Variants in SPOCK1 observed in about 807,000 individuals in gnomAD.
SPOCK1 encodes the protein testican-1.
In SPOCK1, 23 loss-of-function variants were observed where a neutral mutation model predicts 55.3. The ratio of observed to expected loss-of-function variants is 0.42; its 90% CI spans 0.30 to 0.59. The LOEUF (loss-of-function observed/expected upper bound fraction) is 0.59, where lower values mean the gene tolerates loss of function less well. Among genes scored for constraint, SPOCK1 ranks in the 20% least tolerant of loss-of-function variants. The pLI, the probability that SPOCK1 is intolerant of heterozygous loss-of-function variation, is 0.22. For synonymous variants in SPOCK1, 226 were observed against 221.0 expected (o/e 1.02, Z -0.20); for missense variants, 499 against 552.5 (o/e 0.90, Z 0.97).
intron 6 of SPOCK1, among the ~76,000 whole-genome samples, chr5:137,061,009 G>C (rs1312883492): frequency 6.6e-6 from 1 of 152,070 alleles, no homozygotes; most frequent in Admixed American, 6.5e-5. Context: ...AGAATAACAA[G>C]GCCCTAAAAA....
intron 7 of SPOCK1, 188 bp from the exon 8 acceptor site, chr5:136,988,831 T>C: frequency 1.9e-6 from 1 of 520,088 alleles, no homozygotes; most frequent in Non-Finnish European, 3.3e-6. Flanking sequence ...TGTTTTTAAG[T>C]GAAATGGTTT....
At chr5:137,471,709 G>C (rs1285135736) in intron 2 of SPOCK1, among the ~76,000 whole-genome samples, 4 of 152,164 alleles carry the variant, frequency 2.6e-5, no homozygotes, top group Admixed American at 6.5e-5. Flanking sequence ...CCAGCAGTCA[G>C]CAGATCAGAC....
intron 3 of SPOCK1, among the ~76,000 whole-genome samples, chr5:137,156,406 T>C (rs1474046883): frequency 2.6e-5 from 4 of 152,126 alleles, no homozygotes; most frequent in Non-Finnish European, 5.9e-5. Context: ...AAATTCCTCA[T>C]GAGAACACAT....
chr5:137,416,444 G>A (rs1362597911), intron 2 of SPOCK1, among the ~76,000 whole-genome samples: 1 of 152,108 alleles, frequency 6.6e-6, no homozygotes, highest in Non-Finnish European at 1.5e-5. Context: ...TTTTCCTACA[G>A]TAATTGTCTT....
chr5:137,056,273 G>T (rs1162487890), intron 6 of SPOCK1, among the ~76,000 whole-genome samples: 2 of 152,114 alleles, frequency 1.3e-5, no homozygotes, highest in African/African-American at 4.8e-5. Context: ...GGGGGTGGGG[G>T]ACAGGGGGTC....
intron 2 of SPOCK1, among the ~76,000 whole-genome samples, chr5:137,412,642 G>C (rs976776058): frequency 1.3e-5 from 2 of 152,210 alleles, no homozygotes; most frequent in African/African-American, 4.8e-5. Context: ...CAGACAGAAA[G>C]AGAACAGTAT....
intron 2 of SPOCK1, among the ~76,000 whole-genome samples, chr5:137,287,197 G>T (rs1290006309): frequency 6.6e-6 from 1 of 152,172 alleles, no homozygotes; most frequent in African/African-American, 2.4e-5. Context: ...GGCTGCCATG[G>T]TGCAAACTGT....
chr5:137,450,030 AGT>A (rs1753222999), intron 2 of SPOCK1, among the ~76,000 whole-genome samples: 1 of 152,108 alleles, frequency 6.6e-6, no homozygotes. Flanking sequence ...TCTATAGAAG[AGT>A]GTGTCCAAAC....
At chr5:137,373,483 C>T (rs1751245773) in intron 2 of SPOCK1, among the ~76,000 whole-genome samples, 1 of 152,192 alleles carries the variant, frequency 6.6e-6, no homozygotes. Flanking sequence ...TAGAAGGATC[C>T]AGGACAGGAA....
intron 2 of SPOCK1, among the ~76,000 whole-genome samples, chr5:137,475,409 T>A (rs1015321653): frequency 6.6e-6 from 1 of 152,144 alleles, no homozygotes; most frequent in African/African-American, 2.4e-5. Flanking sequence ...ACATACAATG[T>A]TTTTGGAAAG....
At chr5:137,108,306 G>T (rs1753404785) in intron 5 of SPOCK1, among the ~76,000 whole-genome samples, 1 of 152,202 alleles carries the variant, frequency 6.6e-6, no homozygotes, top group African/African-American at 2.4e-5. Flanking sequence ...GTCTAGAATT[G>T]TCCTCTGCTT....
At chr5:137,148,521 C>A (rs1754248899) in intron 3 of SPOCK1, among the ~76,000 whole-genome samples, 1 of 152,066 alleles carries the variant, frequency 6.6e-6, no homozygotes, top group African/African-American at 2.4e-5. Context: ...GCATTTCCAT[C>A]AAGAAATTGA....
chr5:137,440,261 G>A, intron 2 of SPOCK1, among the ~76,000 whole-genome samples: 1 of 147,394 alleles, frequency 6.8e-6, no homozygotes, highest in Non-Finnish European at 1.5e-5. Context: ...AAAGTTAATA[G>A]AGAGTTGAAA....
intron 2 of SPOCK1, among the ~76,000 whole-genome samples, chr5:137,478,566 C>G (rs1753883086): frequency 6.6e-6 from 1 of 152,168 alleles, no homozygotes; most frequent in Admixed American, 6.5e-5. Flanking sequence ...GCTTTCCCCC[C>G]AGCCCCTAGT....
chr5:137,052,375 C>A lies in SPOCK1; in HGVS notation c.589+15340G>T, dbSNP rs1752223233. On this transcript the variant is annotated intron_variant, in intron 6 of 10. Coordinates refer to ENST00000394945, the MANE Select transcript of SPOCK1 (RefSeq NM_004598.4). ...TCTTAACCCACAAAGTGGAAAAATTCTTTTAAAAATTATAGTATCCAAAAA... is the reference window on the plus strand; with the variant it reads ...TCTTAACCCACAAAGTGGAAAAATTATTTTAAAAATTATAGTATCCAAAAA... Among the ~76,000 whole-genome samples the A allele has an allele frequency of 4.6e-5, 7 of 152,322 alleles. No homozygotes were observed. In the South Asian group the frequency reaches 1.4e-3, roughly 32 times the overall value.
At chr5:137,034,027 C>T (rs150321798) in intron 6 of SPOCK1, among the ~76,000 whole-genome samples, 1 of 152,340 alleles carries the variant, frequency 6.6e-6, no homozygotes, top group East Asian at 1.9e-4. Context: ...TTCTTTTTTA[C>T]CATTACACTC....
intron 5 of SPOCK1, among the ~76,000 whole-genome samples, chr5:137,076,015 C>A (rs1752751928): frequency 6.6e-6 from 1 of 152,216 alleles, no homozygotes; most frequent in African/African-American, 2.4e-5. Flanking sequence ...GTTCCTGGGC[C>A]TGTCATCCTC....
chr5:137,010,352 G>A (rs1193763092), intron 6 of SPOCK1, among the ~76,000 whole-genome samples: 2 of 152,058 alleles, frequency 1.3e-5, no homozygotes, highest in Non-Finnish European at 2.9e-5. Flanking sequence ...ATGTACGTTT[G>A]AGGATGTTGT....
intron 7 of SPOCK1, among the ~76,000 whole-genome samples, chr5:136,989,583 A>G (rs924945364): frequency 6.6e-6 from 1 of 152,206 alleles, no homozygotes; most frequent in Admixed American, 6.5e-5. Context: ...CAGTCCTATG[A>G]AATGGTGCTA....
Sources: gnomAD v4.1 joint callset for allele counts (sites outside exome capture counted in the v4.1 genomes callset) on GRCh38, gnomAD v4.1.1 for gene constraint, MANE v1.5 for transcripts, NCBI Gene and HGNC (gene_info 2026-07-23, HGNC 2026-07-21) for gene names.